The following CLPTM1 variants were observed in gnomAD, a reference collection of about 807,000 sequenced individuals.
CLPTM1 encodes putative lipid scramblase CLPTM1.
In CLPTM1, 21 loss-of-function variants were observed where a neutral mutation model predicts 77.3. The observed-to-expected ratio is 0.27, with a 90% CI of 0.19 to 0.39. The LOEUF (loss-of-function observed/expected upper bound fraction) is 0.39. CLPTM1 is among the 10% of genes least tolerant of loss of function. The probability of loss-of-function intolerance (pLI) is 1.00; values close to 1 mark genes in which losing one functional copy is unlikely to be tolerated. For missense variants in CLPTM1, 642 were observed against 921.2 expected, an observed-to-expected ratio of 0.70 and a Z score of 3.92; for synonymous variants, 373 against 381.0, an observed-to-expected ratio of 0.98 and a Z score of 0.24.
chr19:44,976,808 C>T (rs889990877), intron 4 of CLPTM1, among the ~76,000 whole-genome samples: 2 of 152,286 alleles, frequency 1.3e-5, no homozygotes, highest in African/African-American at 4.8e-5. Flanking sequence ...CACTATGTGA[C>T]CCCTTGGCAT....
intron 9 of CLPTM1, among the ~76,000 whole-genome samples, chr19:44,989,060 A>G (rs1971027928): frequency 6.6e-6 from 1 of 152,144 alleles, no homozygotes; most frequent in African/African-American, 2.4e-5. Context: ...GCGTGTGCCT[A>G]TGGTCTCAGC....
chr19:44,972,887 C>T (rs1432108504), intron 2 of CLPTM1, among the ~76,000 whole-genome samples, 200 bp from the exon 3 acceptor site: 1 of 152,076 alleles, frequency 6.6e-6, no homozygotes, highest in Non-Finnish European at 1.5e-5. Context: ...ACGGTGGCAT[C>T]TGGGCTCCCT....
intron 2 of CLPTM1, among the ~76,000 whole-genome samples, chr19:44,964,559 C>G (rs1200595093): frequency 6.6e-6 from 1 of 152,064 alleles, no homozygotes; most frequent in African/African-American, 2.4e-5. Context: ...GATCCACCCG[C>G]CTCAGCCTCC....
At chr19:44,956,377 CAG>C (rs1970464284) in intron 1 of CLPTM1, among the ~76,000 whole-genome samples, 2 of 152,266 alleles carry the variant, frequency 1.3e-5, no homozygotes, top group Non-Finnish European at 1.5e-5. Flanking sequence ...TCCCTGCTGT[CAG>C]GGGACGAAGA....
intron 5 of CLPTM1, among the ~76,000 whole-genome samples, chr19:44,978,579 G>C (rs1970842648): frequency 6.6e-6 from 1 of 151,150 alleles, no homozygotes; most frequent in South Asian, 2.1e-4. Flanking sequence ...GATGCAGTGA[G>C]CTGTGATTGC....
chr19:44,977,516 G>C, intron 5 of CLPTM1, 56 bp downstream of exon 5: 2 of 1,318,790 alleles, frequency 1.5e-6, no homozygotes, highest in South Asian at 1.2e-5. Context: ...CATCCTGGGA[G>C]CCCCCAGGCT....
At chr19:44,976,568 G>A (rs1358351833) in intron 4 of CLPTM1, among the ~76,000 whole-genome samples, 1 of 152,222 alleles carries the variant, frequency 6.6e-6, no homozygotes, top group Non-Finnish European at 1.5e-5. Context: ...GGATCAGAGA[G>A]GTTCAGTGCT....
intron 2 of CLPTM1, among the ~76,000 whole-genome samples, chr19:44,962,837 G>A (rs995289483): frequency 1.3e-5 from 2 of 151,736 alleles, no homozygotes; most frequent in Non-Finnish European, 1.5e-5. Context: ...AGGCCGAGGC[G>A]GGTGGATCAC....
At position 44,992,151 on chromosome 19, in the gene CLPTM1, G is replaced by A; in HGVS notation, c.1556-82G>A. Reference sequence around the variant, plus strand: ...TGTGCCCAGGTGTAGGAAGTGGTGAGGGGGCTGGTATGGCCAGTGCAGAGT... The same window carrying A: ...TGTGCCCAGGTGTAGGAAGTGGTGAAGGGGCTGGTATGGCCAGTGCAGAGT... On this transcript the variant is annotated intron_variant, in intron 12 of 13. Transcript: ENST00000337392. This position sits in a 1 kb window ranked among gnomAD's most constrained non-coding sequence, Gnocchi z 7.7. The A allele has an allele frequency of 6.9e-7, 1 of 1,457,492 alleles. No individual in the cohort carries two copies. The allele number at this position is 1,457,492 out of a possible 1,614,324, so 90.3% of individuals were successfully genotyped here.
Position 44,992,103 on chromosome 19 carries a change from C to T in CLPTM1, c.1556-130C>T, listed in dbSNP as rs999236278. 3.3e-6 allele frequency: 3 copies of T among 899,214 alleles called. No homozygotes were observed. Among genetic ancestry groups the T allele is most frequent in the Non-Finnish European group, 3.4e-6 (2 of 586,186 alleles). 55.7% of individuals were successfully genotyped at this position (899,214 alleles called of 1,614,324 possible). Reference sequence around the variant, plus strand: ...GTGCAGAGGCCGCTGGTAGAGTGTGCCCAGGTATAGGAAGTGGTAGAGTGT... The same window carrying T: ...GTGCAGAGGCCGCTGGTAGAGTGTGTCCAGGTATAGGAAGTGGTAGAGTGT... On this transcript the variant is annotated intron_variant, in intron 12 of 13. Coordinates refer to ENST00000337392, the MANE Select transcript of CLPTM1 (RefSeq NM_001294.4). The surrounding 1 kb of genome is among the most constrained non-coding windows in gnomAD (Gnocchi z 7.7).
Position 44,970,285 on chromosome 19 carries a change from G to GT in CLPTM1, c.186-2801dup, listed in dbSNP as rs1286012012. Among the ~76,000 whole-genome samples, 6 of 147,012 alleles carry GT rather than the reference G, an allele frequency of 4.1e-5. 1 individual carries two copies. The highest frequency in any genetic ancestry group is 1.6e-4 in the African/African-American group (6 of 37,494). On this transcript the variant is annotated intron_variant, in intron 2 of 13. Transcript: ENST00000337392. ...CCTGTTGTGCAACTCCTGGGAATGG[G>GT]TAGGCCACCTGGTTCCTTCCTTCTC...
At chr19:44,955,225 G>C, upstream of CLPTM1, 3 of 1,517,432 alleles carry the variant, frequency 2.0e-6, no homozygotes, top group Non-Finnish European at 1.8e-6. Context: ...ACGGTGGCCA[G>C]GTTGGTCCTT....
At chr19:44,974,388 C>T in intron 3 of CLPTM1, 51 bp from the exon 4 acceptor site, 1 of 1,566,422 alleles carries the variant, frequency 6.4e-7, no homozygotes, top group South Asian at 1.2e-5. Flanking sequence ...AGCCAGCCTG[C>T]AGAGGCTCTG....
intron 7 of CLPTM1, 134 bp from the exon 8 acceptor site, chr19:44,987,045 G>C (rs1970989572): frequency 6.7e-6 from 8 of 1,194,710 alleles, no homozygotes; most frequent in Non-Finnish European, 8.2e-6. Context: ...GCTCCTCATG[G>C]TGTGGCCTAG....
At chr19:44,980,862 A>G (rs204475) in intron 5 of CLPTM1, among the ~76,000 whole-genome samples, 139,934 of 151,604 alleles carry the variant, frequency 0.92, 64,753 homozygotes, top group Non-Finnish European at 0.96. Flanking sequence ...TTTTGAGATG[A>G]AGTCTTGCTC....
At chr19:44,960,185 G>A (rs545962693) in intron 1 of CLPTM1, among the ~76,000 whole-genome samples, 2 of 152,290 alleles carry the variant, frequency 1.3e-5, no homozygotes, top group East Asian at 3.9e-4. Flanking sequence ...CTCAGCCTAA[G>A]GGTCTCACCC....
chr19:44,983,601 G>C (rs1970931144), intron 5 of CLPTM1, among the ~76,000 whole-genome samples: 1 of 104,968 alleles, frequency 9.5e-6, no homozygotes, highest in African/African-American at 3.7e-5. Flanking sequence ...TTGGATGACA[G>C]AGCGAGACTC....
At chr19:44,973,268 G>A (rs1970751422) in intron 3 of CLPTM1, 58 bp downstream of exon 3, 2 of 1,610,484 alleles carry the variant, frequency 1.2e-6, no homozygotes, top group Non-Finnish European at 1.7e-6. Flanking sequence ...GGGGTGGAAT[G>A]TGGAGGAGTG....
chr19:44,990,321 G>T lies in CLPTM1; in HGVS notation c.1133-74G>T, dbSNP rs1485647930. The stretch of plus-strand genomic sequence containing the variant: ...CCAGGGTGTGAGGATGCAGGCCAAG[G>T]GGGCCTGAGGGAGCTGCAGTAGGGT... On this transcript the variant is annotated intron_variant, in intron 9 of 13. Transcript: ENST00000337392. The surrounding 1 kb of genome is among the most constrained non-coding windows in gnomAD (Gnocchi z 4.8). The T allele has an allele frequency of 6.7e-7, 1 of 1,500,356 alleles. No homozygotes were observed. The highest frequency in any genetic ancestry group is 9.1e-7 in the Non-Finnish European group (1 of 1,094,518). The allele number at this position is 1,500,356 out of a possible 1,614,324, so 92.9% of individuals were successfully genotyped here. A position where few individuals can be genotyped will look rare whatever the true frequency, so the allele number is the denominator to read the frequency against.
Sources: allele counts gnomAD v4.1 joint callset (sites outside exome capture counted in the v4.1 genomes callset), GRCh38; gene constraint gnomAD v4.1.1; non-coding constraint Gnocchi (gnomAD v3.1); transcripts MANE v1.5; gene names NCBI Gene and HGNC (gene_info 2026-07-23, HGNC 2026-07-21).